The following RRAS2 variants were observed in gnomAD, a reference collection of about 807,000 sequenced individuals.
RRAS2 encodes ras-related protein R-Ras2.
In RRAS2, 7 loss-of-function variants were observed where a neutral mutation model predicts 27.6. The ratio of observed to expected loss-of-function variants is 0.25; its 90% CI spans 0.14 to 0.48. The LOEUF (loss-of-function observed/expected upper bound fraction) is 0.48, where lower values mean the gene tolerates loss of function less well. Among genes scored for constraint, RRAS2 ranks in the 20% least tolerant of loss-of-function variants. RRAS2 has a pLI of 0.99. For missense variants in RRAS2, 178 were observed against 256.2 expected, an observed-to-expected ratio of 0.69 and a Z score of 2.08; for synonymous variants, 86 against 90.9, an observed-to-expected ratio of 0.95 and a Z score of 0.31.
At chr11:14,313,060 T>C (rs1278052269) in intron 1 of RRAS2, among the ~76,000 whole-genome samples, 2 of 152,218 alleles carry the variant, frequency 1.3e-5, no homozygotes, top group African/African-American at 4.8e-5. Flanking sequence ...GCACACAAAT[T>C]TAAATCAGAC....
chr11:14,326,016 G>A (rs1848348655), intron 1 of RRAS2, among the ~76,000 whole-genome samples: 1 of 152,188 alleles, frequency 6.6e-6, no homozygotes, highest in South Asian at 2.1e-4. Flanking sequence ...TTGAATTTAA[G>A]ATGTTTTTTA....
Position 14,316,143 on chromosome 11 carries a change from C to A in RRAS2, c.109-20288G>T, listed in dbSNP as rs192770096. On this transcript the variant is annotated intron_variant, in intron 1 of 5. Transcript: ENST00000256196. ...TGGACTAAAATTTTACGTCTCTGAA[C>A]ATATTTGACTGTTTCCTCATTTACA... Among the ~76,000 whole-genome samples the A allele has an allele frequency of 8.1e-3, 1,234 of 152,306 alleles. 4 individuals carry two copies. Among genetic ancestry groups the A allele is most frequent in the Admixed American group, 0.014 (212 of 15,292 alleles).
At chr11:14,352,299 CAAAT>C (rs1848972930) in intron 1 of RRAS2, among the ~76,000 whole-genome samples, 1 of 152,120 alleles carries the variant, frequency 6.6e-6, no homozygotes, top group Non-Finnish European at 1.5e-5. Flanking sequence ...TGCTATGCAA[CAAAT>C]AATCACATGG....
chr11:14,348,029 T>C (rs187531377), intron 1 of RRAS2, among the ~76,000 whole-genome samples: 1 of 152,140 alleles, frequency 6.6e-6, no homozygotes, highest in Non-Finnish European at 1.5e-5. Context: ...CCTAAATTTA[T>C]CAACCTTTCC....
intron 1 of RRAS2, among the ~76,000 whole-genome samples, chr11:14,308,602 T>G (rs1286517445): frequency 6.6e-6 from 1 of 152,226 alleles, no homozygotes; most frequent in Non-Finnish European, 1.5e-5. Flanking sequence ...ATATCATATT[T>G]TAAAAGAGGA....
chr11:14,288,884 TA>T (rs1849734229), intron 4 of RRAS2, among the ~76,000 whole-genome samples: 1 of 152,228 alleles, frequency 6.6e-6, no homozygotes, highest in Non-Finnish European at 1.5e-5. Flanking sequence ...ATCTATTATG[TA>T]AAAAGAATCA....
At chr11:14,338,362 G>A (rs949079592) in intron 1 of RRAS2, among the ~76,000 whole-genome samples, 4 of 152,190 alleles carry the variant, frequency 2.6e-5, no homozygotes, top group Non-Finnish European at 2.9e-5. Context: ...TTTCAGATCT[G>A]AAATTATTTT....
At chr11:14,289,736 C>A (rs1849758925) in intron 4 of RRAS2, among the ~76,000 whole-genome samples, 1 of 152,102 alleles carries the variant, frequency 6.6e-6, no homozygotes, top group South Asian at 2.1e-4. Flanking sequence ...AGAAGCAACC[C>A]AGTCCACAGA....
Position 14,358,145 on chromosome 11 carries a change from C to T in RRAS2, c.108+618G>A. On this transcript the variant is annotated intron_variant, in intron 1 of 5. Coordinates refer to ENST00000256196, the MANE Select transcript of RRAS2 (RefSeq NM_012250.6). This position sits in a 1 kb window ranked among gnomAD's most constrained non-coding sequence, Gnocchi z 5.1. ...CCCCATCAGAGAACATTTTTAACTTCCTAGAAGCCACCATTTCCCCGGGGC... is the reference window on the plus strand; with the variant it reads ...CCCCATCAGAGAACATTTTTAACTTTCTAGAAGCCACCATTTCCCCGGGGC... The T allele has an allele frequency of 1.1e-6, 1 of 872,486 alleles. No homozygotes were observed. The highest frequency in any genetic ancestry group is 1.4e-6 in the Non-Finnish European group (1 of 726,980). 54.0% of individuals were successfully genotyped at this position (872,486 alleles called of 1,614,324 possible). A position where few individuals can be genotyped will look rare whatever the true frequency, so the allele number is the denominator to read the frequency against.
At chr11:14,307,140 G>A (rs920306876) in intron 1 of RRAS2, among the ~76,000 whole-genome samples, 1 of 151,754 alleles carries the variant, frequency 6.6e-6, no homozygotes, top group Non-Finnish European at 1.5e-5. Context: ...GCAGTGAGCA[G>A]TGATTGTGCC....
chr11:14,317,059 T>C (rs577432486), intron 1 of RRAS2, among the ~76,000 whole-genome samples: 61 of 152,332 alleles, frequency 4.0e-4, no homozygotes, highest in African/African-American at 8.9e-4. Context: ...GGAGATACTA[T>C]AGTTTCTGTG....
In RRAS2 at chr11:14,279,243, T is replaced by C. The variant is rs1849453360; in HGVS notation, c.*94A>G. ...AAGGCTAACATGGTGATCATTTGTC[T>C]AAGGCTAGAAAGGTACCAACAAGAT... is the stretch of plus-strand genomic sequence containing the variant. On this transcript the variant is annotated 3_prime_UTR_variant, in exon 6 of 6. Transcript: ENST00000256196. The C allele has an allele frequency of 3.3e-6, 3 of 901,294 alleles. No individual in the cohort carries two copies. The highest frequency in any genetic ancestry group is 1.4e-5 in the South Asian group (1 of 72,990). The allele number at this position is 901,294 out of a possible 1,614,324, so 55.8% of individuals were successfully genotyped here. A position where few individuals can be genotyped will look rare whatever the true frequency, so the allele number is the denominator to read the frequency against.
upstream of RRAS2, among the ~76,000 whole-genome samples, chr11:14,363,053 G>A (rs1361354508): frequency 1.3e-5 from 2 of 152,216 alleles, no homozygotes; most frequent in East Asian, 3.8e-4. Context: ...AATAGGGTAT[G>A]TCACAAATAA....
intron 4 of RRAS2, among the ~76,000 whole-genome samples, chr11:14,284,551 C>A (rs1554944782): frequency 1.3e-5 from 2 of 152,144 alleles, no homozygotes; most frequent in Non-Finnish European, 2.9e-5. Context: ...TGTATCCTTA[C>A]TGATTTTCTT....
At chr11:14,293,419 A>C (rs1346684161) in intron 4 of RRAS2, among the ~76,000 whole-genome samples, 1 of 152,008 alleles carries the variant, frequency 6.6e-6, no homozygotes, top group Non-Finnish European at 1.5e-5. Flanking sequence ...TAGAGACAAA[A>C]GACCTTTAAA....
chr11:14,304,076 A>G (rs1201958323), intron 1 of RRAS2, among the ~76,000 whole-genome samples: 7 of 152,132 alleles, frequency 4.6e-5, no homozygotes, highest in African/African-American at 1.7e-4. Context: ...GGAAACACTA[A>G]CGTCTTTCTA....
At chr11:14,306,618 G>A (rs1377937440) in intron 1 of RRAS2, among the ~76,000 whole-genome samples, 1 of 151,992 alleles carries the variant, frequency 6.6e-6, no homozygotes, top group African/African-American at 2.4e-5. Context: ...AGGATTTTGG[G>A]CAATACCTGC....
At chr11:14,338,122 T>C (rs1451998573) in intron 1 of RRAS2, among the ~76,000 whole-genome samples, 5 of 152,232 alleles carry the variant, frequency 3.3e-5, no homozygotes, top group African/African-American at 1.2e-4. Flanking sequence ...AAGGTTTCCA[T>C]ACTTTATTCA....
At chr11:14,355,237 GAGA>G (rs1226909687) in intron 1 of RRAS2, among the ~76,000 whole-genome samples, 1 of 151,306 alleles carries the variant, frequency 6.6e-6, no homozygotes, top group Non-Finnish European at 1.5e-5. Flanking sequence ...GGGGAAGAAA[GAGA>G]AGCTCAGTCG....
Sources: allele counts gnomAD v4.1 joint callset (sites outside exome capture counted in the v4.1 genomes callset), GRCh38; gene constraint gnomAD v4.1.1; non-coding constraint Gnocchi (gnomAD v3.1); transcripts MANE v1.5; gene names NCBI Gene and HGNC (gene_info 2026-07-23, HGNC 2026-07-21).